The following TNFAIP8L3 variants were observed in gnomAD, a reference collection of about 807,000 sequenced individuals.
TNFAIP8L3 encodes the protein tumor necrosis factor alpha-induced protein 8-like protein 3.
In TNFAIP8L3, 7 loss-of-function variants were observed where a neutral mutation model predicts 11.8. The ratio of observed to expected loss-of-function variants is 0.59; its 90% CI spans 0.34 to 1.11. The LOEUF (loss-of-function observed/expected upper bound fraction) is 1.11, where lower values mean the gene tolerates loss of function less well. Ranked by LOEUF, TNFAIP8L3 falls within the 50% of genes most tolerant of loss-of-function variation. The pLI is 0.03. For missense variants in TNFAIP8L3, 219 were observed against 258.6 expected (o/e 0.85, Z 1.05); for synonymous variants, 98 against 103.8 (o/e 0.94, Z 0.34).
At chr15:51,063,747 G>A (rs553864156) in intron 1 of TNFAIP8L3, among the ~76,000 whole-genome samples, 4 of 152,290 alleles carry the variant, frequency 2.6e-5, no homozygotes, top group East Asian at 3.9e-4. Flanking sequence ...CAAGGAGGCT[G>A]GATATTGACA....
intron 1 of TNFAIP8L3, among the ~76,000 whole-genome samples, chr15:51,093,604 G>A (rs1291851269): frequency 1.3e-5 from 2 of 152,154 alleles, no homozygotes; most frequent in African/African-American, 4.8e-5. Context: ...CTGTACAGGA[G>A]GGTCCCAGCC....
At chr15:51,073,845 A>G (rs907801366) in intron 1 of TNFAIP8L3, among the ~76,000 whole-genome samples, 2 of 152,026 alleles carry the variant, frequency 1.3e-5, no homozygotes, top group Non-Finnish European at 1.5e-5. Flanking sequence ...TTTTATTCCT[A>G]TTTTGCTAAG....
At position 51,057,734 on chromosome 15, in the gene TNFAIP8L3, C is replaced by T. The variant is rs893841440; in HGVS notation, c.*147G>A. ...AAGAAAAACACACCTGAGCTCAGTT[C>T]AGCATCAGAATCAGCATCAGAGGGA... On this transcript the variant is annotated 3_prime_UTR_variant, in exon 2 of 2. Coordinates refer to ENST00000637513, the MANE Select transcript of TNFAIP8L3 (RefSeq NM_001311175.2). The T allele has an allele frequency of 1.6e-5, 11 of 709,422 alleles. No homozygotes were observed. In the African/African-American group the frequency reaches 1.8e-4, roughly 12 times the overall value. The allele number at this position is 709,422 out of a possible 1,614,324, so 43.9% of individuals were successfully genotyped here.
intron 1 of TNFAIP8L3, among the ~76,000 whole-genome samples, chr15:51,076,432 G>A (rs1284768993): frequency 6.6e-6 from 1 of 152,204 alleles, no homozygotes; most frequent in African/African-American, 2.4e-5. Context: ...TCTCAGAAAT[G>A]TGACTTTCTC....
intron 1 of TNFAIP8L3, 146 bp from the exon 2 acceptor site, chr15:51,058,589 A>C: frequency 2.9e-6 from 2 of 692,314 alleles, no homozygotes; most frequent in Non-Finnish European, 4.5e-6. Context: ...ACTAAACCCC[A>C]CCCCAGCCTG....
At chr15:51,104,474 T>TA (rs537314831) in intron 1 of TNFAIP8L3, among the ~76,000 whole-genome samples, 1 of 152,192 alleles carries the variant, frequency 6.6e-6, no homozygotes, top group South Asian at 2.1e-4. Flanking sequence ...GAGTTTGTCA[T>TA]ACCCAGCCAT....
intron 1 of TNFAIP8L3, among the ~76,000 whole-genome samples, chr15:51,071,048 C>T (rs1466026434): frequency 1.6e-5 from 1 of 62,060 alleles, no homozygotes; most frequent in Non-Finnish European, 3.3e-5. Context: ...GAGACTCCGT[C>T]TCAAAAAAAA....
Position 51,073,746 on chromosome 15 carries a change from T to C in TNFAIP8L3, c.53-15303A>G, listed in dbSNP as rs530430924. The stretch of plus-strand genomic sequence containing the variant: ...TTACATGGCATCCTGGTCTTGTTCC[T>C]AACTTTAACAGGATTGTCTCTAAAA... On this transcript the variant is annotated intron_variant, in intron 1 of 1. Transcript: ENST00000637513. Among the ~76,000 whole-genome samples the C allele has an allele frequency of 3.3e-5, 5 of 152,382 alleles. No individual in the cohort carries two copies. In the East Asian group the frequency reaches 7.7e-4, roughly 23 times the overall value.
rs1038561804 is a variant in TNFAIP8L3, at chr15:51,094,142, C to G, written c.52+402G>C. On this transcript the variant is annotated intron_variant, in intron 1 of 1. Transcript: ENST00000637513. The surrounding 1 kb of genome is among the most constrained non-coding windows in gnomAD (Gnocchi z 4.4). Reference sequence around the variant, plus strand: ...CCAGTCACGTTCTTGGACCCAGTCACCTGCGCCGCAGCGCAGTCCCGGCGC... The same window carrying G: ...CCAGTCACGTTCTTGGACCCAGTCAGCTGCGCCGCAGCGCAGTCCCGGCGC... Among the ~76,000 whole-genome samples, 2 of 152,220 alleles carry G rather than the reference C, an allele frequency of 1.3e-5. No homozygotes were observed. The highest frequency in any genetic ancestry group is 4.8e-5 in the African/African-American group (2 of 41,466).
chr15:51,086,418 G>C (rs971617037), intron 1 of TNFAIP8L3, among the ~76,000 whole-genome samples: 1 of 152,226 alleles, frequency 6.6e-6, no homozygotes, highest in Non-Finnish European at 1.5e-5. Flanking sequence ...AATGTCTGCA[G>C]CTTAAAGCAG....
intron 1 of TNFAIP8L3, among the ~76,000 whole-genome samples, chr15:51,090,385 A>T (rs914017279): frequency 6.6e-6 from 1 of 152,158 alleles, no homozygotes; most frequent in Non-Finnish European, 1.5e-5. Flanking sequence ...CAAATCTTGC[A>T]TCTCTCCATC....
intron 1 of TNFAIP8L3, among the ~76,000 whole-genome samples, chr15:51,089,004 C>G (rs1057060264): frequency 5.9e-5 from 9 of 152,194 alleles, no homozygotes; most frequent in African/African-American, 2.2e-4. Context: ...TTCTGATGAG[C>G]CATTCTAGCT....
chr15:51,077,717 C>T (rs186028734), intron 1 of TNFAIP8L3, among the ~76,000 whole-genome samples: 2 of 152,362 alleles, frequency 1.3e-5, no homozygotes, highest in East Asian at 3.9e-4. Flanking sequence ...CCTCCCTTCC[C>T]CGACAGCTTC....
intron 1 of TNFAIP8L3, among the ~76,000 whole-genome samples, chr15:51,104,711 C>T (rs1414064805): frequency 2.6e-5 from 4 of 152,352 alleles, no homozygotes; most frequent in East Asian, 3.9e-4. Context: ...GAATTATCCT[C>T]ATGGGACCTT....
chr15:51,103,411 A>T (rs549883403), intron 1 of TNFAIP8L3, among the ~76,000 whole-genome samples: 5 of 152,194 alleles, frequency 3.3e-5, no homozygotes, highest in Non-Finnish European at 5.9e-5. Flanking sequence ...TTTCATTTCA[A>T]ATCATTAACA....
chr15:51,085,089 T>C (rs965134099), intron 1 of TNFAIP8L3, among the ~76,000 whole-genome samples: 6 of 152,122 alleles, frequency 3.9e-5, no homozygotes, highest in Non-Finnish European at 8.8e-5. Context: ...CCTGTATAAA[T>C]TTAGCTCTGC....
At chr15:51,070,476 T>C (rs2065300739) in intron 1 of TNFAIP8L3, among the ~76,000 whole-genome samples, 1 of 152,208 alleles carries the variant, frequency 6.6e-6, no homozygotes. Flanking sequence ...AACAACTGTA[T>C]CAAGTAGGCA....
chr15:51,069,457 A>C (rs568215346), intron 1 of TNFAIP8L3: 1 of 152,322 alleles, frequency 6.6e-6, no homozygotes, highest in African/African-American at 2.4e-5. Flanking sequence ...AGCAGCATTT[A>C]ATTGTCTTCA....
At chr15:51,087,837 G>C (rs2065440189) in intron 1 of TNFAIP8L3, among the ~76,000 whole-genome samples, 1 of 149,624 alleles carries the variant, frequency 6.7e-6, no homozygotes. Context: ...TTGTTCTAAA[G>C]CAGACTCAGA....
Sources: gnomAD v4.1 joint callset for allele counts (sites outside exome capture counted in the v4.1 genomes callset) on GRCh38, gnomAD v4.1.1 for gene constraint, Gnocchi (gnomAD v3.1) non-coding constraint, MANE v1.5 for transcripts, NCBI Gene and HGNC (gene_info 2026-07-23, HGNC 2026-07-21) for gene names.